Variants in UGT1A8 observed in about 807,000 individuals in gnomAD.
The protein encoded by UGT1A8 is UDP glucuronosyltransferase family 1 member A8.
Under a neutral mutation model 45.3 loss-of-function variants are expected in UGT1A8, and 39 were observed. The observed-to-expected ratio is 0.86, with a 90% CI of 0.67 to 1.12. UGT1A8 has a LOEUF of 1.12. UGT1A8 is among the 50% of genes most tolerant of loss of function. The pLI is 0.00. For synonymous variants in UGT1A8, 275 were observed against 249.2 expected, an observed-to-expected ratio of 1.10 and a Z score of -0.97; for missense variants, 719 against 664.9, an observed-to-expected ratio of 1.08 and a Z score of -0.90.
chr2:233,766,494 G>T (rs1250106940), intron 1 of UGT1A8, among the ~76,000 whole-genome samples: 2 of 152,182 alleles, frequency 1.3e-5, no homozygotes, highest in Non-Finnish European at 2.9e-5. Flanking sequence ...GGCGTGGCAG[G>T]CCAGGGTGGT....
chr2:233,717,845 T>C, intron 1 of UGT1A8: 1 of 455,144 alleles, frequency 2.2e-6, no homozygotes, highest in Non-Finnish European at 4.4e-6. Context: ...ACCATTCTTA[T>C]CAGAACTTGG....
intron 1 of UGT1A8, among the ~76,000 whole-genome samples, chr2:233,630,554 T>C (rs1269371813): frequency 6.6e-6 from 1 of 151,734 alleles, no homozygotes. Flanking sequence ...AGAAAAGAGG[T>C]TTAATTGGCT....
intron 1 of UGT1A8, chr2:233,743,807 T>G (rs760730105): frequency 2.2e-6 from 3 of 1,367,334 alleles, no homozygotes; most frequent in East Asian, 4.6e-5. Context: ...CTCCTTGTTC[T>G]CAGGGTTTTT....
chr2:233,634,712 G>T (rs2073248172), intron 1 of UGT1A8, among the ~76,000 whole-genome samples: 1 of 140,598 alleles, frequency 7.1e-6, no homozygotes, highest in South Asian at 2.2e-4. Context: ...CGTGAAATGG[G>T]TCTTCTGAAT....
chr2:233,689,700 TC>T (rs979532238), intron 1 of UGT1A8, among the ~76,000 whole-genome samples: 4 of 152,142 alleles, frequency 2.6e-5, no homozygotes, highest in African/African-American at 9.7e-5. Flanking sequence ...AGTCGTTATT[TC>T]CCCTTATCTG....
intron 1 of UGT1A8, among the ~76,000 whole-genome samples, chr2:233,637,999 C>G (rs2125460507): frequency 6.6e-6 from 1 of 152,136 alleles, no homozygotes; most frequent in Non-Finnish European, 1.5e-5. Context: ...CCACTCTTTC[C>G]TTTTGTGAAT....
At chr2:233,746,173 T>C (rs1289105015) in intron 1 of UGT1A8, among the ~76,000 whole-genome samples, 1 of 151,822 alleles carries the variant, frequency 6.6e-6, no homozygotes, top group Non-Finnish European at 1.5e-5. Context: ...AAATCTTGCC[T>C]GTAAGGAATA....
chr2:233,618,371 TA>T lies in UGT1A8; in HGVS notation c.665del (p.Tyr222PhefsTer7), dbSNP rs1559310452. ...MHLEEHLFCQ[Y>X]FSKNALEIAS... ...CTTGGAGGAACATTTATTTTGCCAG[TA>T]TTTTTCCAAAAATGCCCTAGAAATA... On this transcript the variant is annotated frameshift_variant, in exon 1 of 5. Coordinates refer to ENST00000373450, the MANE Select transcript of UGT1A8 (RefSeq NM_019076.5). LOFTEE classifies it high-confidence loss of function. 1.9e-6 allele frequency: 3 copies of T among 1,613,842 alleles called. No individual in the cohort carries two copies. The highest frequency in any genetic ancestry group is 2.5e-6 in the Non-Finnish European group (3 of 1,179,854).
intron 1 of UGT1A8, among the ~76,000 whole-genome samples, chr2:233,628,185 G>A (rs1052060565): frequency 3.3e-5 from 5 of 151,810 alleles, no homozygotes; most frequent in Non-Finnish European, 7.4e-5. Flanking sequence ...GTTTGTGTGT[G>A]GTTTAATAAA....
At chr2:233,724,328 G>T (rs1446487590) in intron 1 of UGT1A8, among the ~76,000 whole-genome samples, 9 of 147,968 alleles carry the variant, frequency 6.1e-5, no homozygotes, top group South Asian at 2.3e-4. Context: ...CGGCTGGCCA[G>T]GCGGGGGGCT....
intron 1 of UGT1A8, chr2:233,717,643 C>T (rs1326962765): frequency 7.7e-6 from 3 of 388,842 alleles, no homozygotes; most frequent in Non-Finnish European, 1.6e-5. Flanking sequence ...CCTGGGGCGA[C>T]CAGGACAAGG....
At chr2:233,682,524 G>A in intron 1 of UGT1A8, 1 of 1,613,848 alleles carries the variant, frequency 6.2e-7, no homozygotes, top group Non-Finnish European at 8.5e-7. Flanking sequence ...CTTCTCTTAG[G>A]GTTCTCAGAC....
chr2:233,697,297 C>T (rs2075383604), intron 1 of UGT1A8, among the ~76,000 whole-genome samples: 1 of 152,076 alleles, frequency 6.6e-6, no homozygotes, highest in African/African-American at 2.4e-5. Context: ...CTTCTTCATT[C>T]AATCTTGGTA....
At position 233,721,180 on chromosome 2, in the gene UGT1A8, C is replaced by A. The variant is rs28898614; in HGVS notation, c.856-45854C>A. On this transcript the variant is annotated intron_variant, in intron 1 of 4. Coordinates refer to ENST00000373450, the MANE Select transcript of UGT1A8 (RefSeq NM_019076.5). Reference sequence around the variant, plus strand: ...AACTTTATTTTTGTTTTTGATCAAACCACAAGATATTTGTTCTACTGGTTT... The same window carrying A: ...AACTTTATTTTTGTTTTTGATCAAAACACAAGATATTTGTTCTACTGGTTT... Among the ~76,000 whole-genome samples the A allele has an allele frequency of 9.2e-3, 1,399 of 152,232 alleles. 33 individuals carry two copies. Among genetic ancestry groups the A allele is most frequent in the African/African-American group, 0.032 (1,310 of 41,542 alleles).
intron 1 of UGT1A8, among the ~76,000 whole-genome samples, chr2:233,634,790 A>C (rs2073249512): frequency 6.6e-6 from 1 of 150,872 alleles, no homozygotes. Flanking sequence ...TGGGGCATTT[A>C]GCCCATTTAC....
intron 1 of UGT1A8, among the ~76,000 whole-genome samples, chr2:233,735,843 T>C (rs1217610969): frequency 2.0e-5 from 3 of 152,092 alleles, no homozygotes; most frequent in South Asian, 2.1e-4. Flanking sequence ...TGGCCCCCAC[T>C]CTCTTCTGTC....
At chr2:233,730,000 A>T (rs569428615) in intron 1 of UGT1A8, 15 of 1,614,004 alleles carry the variant, frequency 9.3e-6, no homozygotes, top group Non-Finnish European at 1.1e-5. Flanking sequence ...TCAGGTCTGT[A>T]TTGGTGCCTT....
At chr2:233,715,263 C>T (rs1313325052) in intron 1 of UGT1A8, among the ~76,000 whole-genome samples, 2 of 152,196 alleles carry the variant, frequency 1.3e-5, no homozygotes, top group Non-Finnish European at 2.9e-5. Context: ...AATCCCCTTA[C>T]ATAACAAATT....
At chr2:233,752,692 C>T (rs973009345) in intron 1 of UGT1A8, 1 of 152,166 alleles carries the variant, frequency 6.6e-6, no homozygotes, top group African/African-American at 2.4e-5. Flanking sequence ...TTCATGTTTA[C>T]TAGTGGGGTA....
Sources: gnomAD v4.1 joint callset for allele counts (sites outside exome capture counted in the v4.1 genomes callset) on GRCh38, gnomAD v4.1.1 for gene constraint, MANE v1.5 for transcripts, NCBI Gene and HGNC (gene_info 2026-07-23, HGNC 2026-07-21) for gene names.